The following ADAM7 variants were observed in gnomAD, a reference collection of about 807,000 sequenced individuals.
The protein encoded by ADAM7 is disintegrin and metalloproteinase domain-containing protein 7.
ADAM7 carries 97 observed loss-of-function variants against 102.9 expected under a neutral mutation model. The observed-to-expected ratio is 0.94, with a 90% CI of 0.80 to 1.12. The LOEUF is 1.12. ADAM7 is among the 50% of genes most tolerant of loss of function. The pLI, the probability that ADAM7 is intolerant of heterozygous loss-of-function variation, is 0.00. For missense variants in ADAM7, 991 were observed against 908.7 expected (o/e 1.09, Z -1.16); for synonymous variants, 334 against 304.4 (o/e 1.10, Z -1.01).
chr8:24,488,035 C>T (rs1339361160), intron 11 of ADAM7, among the ~76,000 whole-genome samples: 1 of 152,174 alleles, frequency 6.6e-6, no homozygotes, highest in African/African-American at 2.4e-5. Flanking sequence ...CTAGATCATA[C>T]ATACATCCTG....
intron 3 of ADAM7, among the ~76,000 whole-genome samples, chr8:24,455,935 A>G (rs749165756): frequency 6.6e-6 from 1 of 152,212 alleles, no homozygotes; most frequent in African/African-American, 2.4e-5. Context: ...AAGCTAATTA[A>G]CATATCTATC....
chr8:24,460,471 T>G (rs894710162), intron 3 of ADAM7, among the ~76,000 whole-genome samples: 1 of 152,078 alleles, frequency 6.6e-6, no homozygotes, highest in African/African-American at 2.4e-5. Flanking sequence ...ACTATCCTTT[T>G]TCCTTTGATC....
chr8:24,487,677 C>T (rs1585906943), intron 11 of ADAM7, among the ~76,000 whole-genome samples: 2 of 151,700 alleles, frequency 1.3e-5, no homozygotes, highest in East Asian at 3.9e-4. Context: ...AAATATGTTT[C>T]AAAAGTGGAT....
chr8:24,493,470 G>A (rs535521623), intron 16 of ADAM7, among the ~76,000 whole-genome samples: 5 of 122,182 alleles, frequency 4.1e-5, no homozygotes, highest in Non-Finnish European at 8.6e-5. Flanking sequence ...AAAACTTACA[G>A]CAGATATCTA....
At chr8:24,470,363 A>C (rs1245404096) in intron 7 of ADAM7, among the ~76,000 whole-genome samples, 1 of 152,148 alleles carries the variant, frequency 6.6e-6, no homozygotes, top group Non-Finnish European at 1.5e-5. Context: ...ACAATTTTAC[A>C]CTTCATAAGT....
At chr8:24,461,972 G>C in intron 3 of ADAM7, among the ~76,000 whole-genome samples, 1 of 152,140 alleles carries the variant, frequency 6.6e-6, no homozygotes, top group East Asian at 1.9e-4. Context: ...ATTAACTTGA[G>C]ATAAGCCTCT....
At chr8:24,449,015 G>T (rs1178088569) in intron 3 of ADAM7, among the ~76,000 whole-genome samples, 6 of 152,164 alleles carry the variant, frequency 3.9e-5, no homozygotes, top group Non-Finnish European at 8.8e-5. Flanking sequence ...GTATTCCATG[G>T]TGTATATGTG....
chr8:24,500,945 T>C (rs1445451369), intron 19 of ADAM7, 50 bp downstream of exon 19: 4 of 1,460,126 alleles, frequency 2.7e-6, no homozygotes, highest in Non-Finnish European at 3.8e-6. Flanking sequence ...TTACTGAGAA[T>C]ATGTAAGCTT....
chr8:24,507,416 T>C, intron 20 of ADAM7, 64 bp from the exon 21 acceptor site: 3 of 1,304,786 alleles, frequency 2.3e-6, no homozygotes, highest in Non-Finnish European at 3.3e-6. Flanking sequence ...CATGTCTGTG[T>C]GTGGATGCCC....
intron 9 of ADAM7, among the ~76,000 whole-genome samples, chr8:24,484,008 T>C (rs1472181873): frequency 1.3e-5 from 2 of 152,136 alleles, no homozygotes; most frequent in African/African-American, 2.4e-5. Context: ...TGCCCTTCTG[T>C]ATTCACTTAG....
At chr8:24,449,233 C>T (rs879882162) in intron 3 of ADAM7, among the ~76,000 whole-genome samples, 51 of 152,222 alleles carry the variant, frequency 3.4e-4, no homozygotes, top group Non-Finnish European at 6.9e-4. Flanking sequence ...GCCACACTGA[C>T]TTCCACAATG....
In ADAM7 at chr8:24,490,812, C is replaced by T; in HGVS notation, c.1280C>T (p.Pro427Leu). Reference protein sequence around the residue: ...DCGPAQECTNPCCDAHTCVLK... With the variant: ...DCGPAQECTNLCCDAHTCVLK... ...GGTTATTGCCAGGAGTGTACTAATC[C>T]TTGCTGTGATGCACACACATGTGTA... Residue 427 changes from proline (P) to leucine (L), a missense_variant, in exon 13 of 22, where the codon CCT becomes CTT. Pro to Leu is a moderately conservative substitution (Grantham distance 98). Coordinates refer to ENST00000175238, the MANE Select transcript of ADAM7 (RefSeq NM_003817.4). 3 of 1,613,678 alleles carry T rather than the reference C, an allele frequency of 1.9e-6. No homozygotes were observed. In the South Asian group the frequency reaches 3.3e-5, roughly 18 times the overall value.
chr8:24,459,872 T>C (rs1317887331), intron 3 of ADAM7, among the ~76,000 whole-genome samples: 1 of 152,192 alleles, frequency 6.6e-6, no homozygotes, highest in African/African-American at 2.4e-5. Flanking sequence ...TTTATTTTTC[T>C]CTGGTTATAG....
intron 2 of ADAM7, among the ~76,000 whole-genome samples, chr8:24,445,055 TAAC>T (rs1818505061): frequency 6.6e-6 from 1 of 152,198 alleles, no homozygotes; most frequent in Non-Finnish European, 1.5e-5. Context: ...AATATCCTAT[TAAC>T]AATATTGACA....
At position 24,442,544 on chromosome 8, in the gene ADAM7, G is replaced by T; in HGVS notation, c.124G>T (p.Asp42Tyr). The change falls in exon 2 of 22, where the codon GAT (aspartate) becomes TAT (tyrosine). Residue 42 changes from aspartate to tyrosine, a missense_variant. Transcript: ENST00000175238. The part of the protein sequence containing the change: ...PKKLPLIQKR[D>Y]TGHTHDDDIL... ...AAAGCTTCCTCTGATACAGAAGCGA[G>T]ATACTGGACACACCCATGATGATGA... The T allele has an allele frequency of 6.2e-7, 1 of 1,614,086 alleles. No homozygotes were observed. The highest frequency in any genetic ancestry group is 8.5e-7 in the Non-Finnish European group (1 of 1,179,954).
In ADAM7 at chr8:24,482,308, T is replaced by C; in HGVS notation, c.872T>C (p.Leu291Pro). Residue 291 changes from leucine (L) to proline (P), a missense_variant, in exon 9 of 22, where the codon CTC (leucine) becomes CCC (proline). Coordinates refer to ENST00000175238, the MANE Select transcript of ADAM7 (RefSeq NM_003817.4). ...AAGGATTTTGATCATGTTGTATTAC[T>C]CAGGTTGGTGATTGCTCTATTTTCT... ...TRKDFDHVVL[L>P]SGKWLYSHVQ... The C allele has an allele frequency of 6.2e-7, 1 of 1,606,484 alleles. No individual in the cohort carries two copies. Among genetic ancestry groups the C allele is most frequent in the Non-Finnish European group, 8.5e-7 (1 of 1,177,892 alleles).
chr8:24,485,756 C>G (rs1820120483), intron 10 of ADAM7, among the ~76,000 whole-genome samples: 1 of 152,086 alleles, frequency 6.6e-6, no homozygotes, highest in Admixed American at 6.5e-5. Flanking sequence ...TATATCATAT[C>G]AAGACAACCT....
intron 11 of ADAM7, among the ~76,000 whole-genome samples, chr8:24,487,560 G>T (rs549651158): frequency 2.6e-5 from 4 of 151,728 alleles, no homozygotes; most frequent in Admixed American, 2.0e-4. Context: ...GCTTGAATTC[G>T]GGAGGCGGAG....
chr8:24,483,239 A>C (rs999268792), intron 9 of ADAM7, among the ~76,000 whole-genome samples: 3 of 152,170 alleles, frequency 2.0e-5, no homozygotes, highest in Non-Finnish European at 4.4e-5. Context: ...CTTAGCCCAG[A>C]GGAAAAGGAT....
Sources: gnomAD v4.1 joint callset for allele counts (sites outside exome capture counted in the v4.1 genomes callset) on GRCh38, gnomAD v4.1.1 for gene constraint, MANE v1.5 for transcripts, NCBI Gene and HGNC (gene_info 2026-07-23, HGNC 2026-07-21) for gene names.